ASH1L: variants seen among roughly 807,000 people sequenced by gnomAD.
ASH1L encodes the protein ASH1 like histone lysine methyltransferase.
Under a neutral mutation model 269.0 loss-of-function variants are expected in ASH1L, and 23 were observed. The observed-to-expected ratio is 0.09, with a 90% CI of 0.06 to 0.12. The LOEUF (loss-of-function observed/expected upper bound fraction) is 0.12, where lower values mean the gene tolerates loss of function less well. Ranked by LOEUF, ASH1L falls within the 10% of genes least tolerant of loss-of-function variation. ASH1L has a pLI of 1.00. For synonymous variants in ASH1L, 1,187 were observed against 1,253.5 expected (o/e 0.95, Z 1.12); for missense variants, 2,912 against 3,567.8 (o/e 0.82, Z 4.68).
Position 155,521,263 on chromosome 1 carries a change from T to C in ASH1L, c.257A>G (p.Lys86Arg). 6.2e-7 allele frequency: 1 copy of C among 1,614,204 alleles called. No individual in the cohort carries two copies. Among genetic ancestry groups the C allele is most frequent in the Non-Finnish European group, 8.5e-7 (1 of 1,180,028 alleles). The change falls in exon 2 of 28, where the codon AAA (lysine) becomes AGA (arginine). Residue 86 changes from lysine to arginine, a missense_variant. Physicochemically the swap from Lys to Arg is conservative, Grantham distance 26. Coordinates refer to ENST00000392403, the MANE Select transcript of ASH1L (RefSeq NM_018489.3). ...KETNFSEGNL[K>R]LKIGLQAKRT... is the part of the protein sequence containing the mutation. Reference sequence around the variant, plus strand: ...CTTAGCCTGGAGGCCAATTTTCAATTTTAAATTTCCCTCTGAAAAGTTTGT... The same window carrying C: ...CTTAGCCTGGAGGCCAATTTTCAATCTTAAATTTCCCTCTGAAAAGTTTGT...
Position 155,352,848 on chromosome 1 carries a change from C to A in ASH1L, c.7224G>T (p.Met2408Ile). Residue 2408 changes from methionine to isoleucine, a missense_variant, in exon 17 of 28, where the codon ATG becomes ATT. This residue lies in a region of ASH1L where 309 missense variants were observed against 435.1 expected (regional missense o/e 0.71). Transcript: ENST00000392403. Reference protein sequence around the residue: ...DDGNIKSDVFMTQFSALQTAR... With the variant: ...DDGNIKSDVFITQFSALQTAR... ...CTGTCTGCAGGGCAGAGAACTGGGTCATGAAGACATCTGGAAAAATAAAGT... is the reference window on the plus strand; with the variant it reads ...CTGTCTGCAGGGCAGAGAACTGGGTAATGAAGACATCTGGAAAAATAAAGT... The A allele has an allele frequency of 6.3e-7, 1 of 1,598,484 alleles. No homozygotes were observed. Among genetic ancestry groups the A allele is most frequent in the Non-Finnish European group, 8.5e-7 (1 of 1,175,094 alleles).
At chr1:155,541,005 G>A (rs764706035) in intron 1 of ASH1L, among the ~76,000 whole-genome samples, 1 of 152,088 alleles carries the variant, frequency 6.6e-6, no homozygotes, top group Non-Finnish European at 1.5e-5. Context: ...CTAGACTTGG[G>A]AGGCTGAGGC....
At chr1:155,482,925 A>G (rs1000586230) in intron 2 of ASH1L, among the ~76,000 whole-genome samples, 1 of 152,120 alleles carries the variant, frequency 6.6e-6, no homozygotes, top group Non-Finnish European at 1.5e-5. Flanking sequence ...TCCCTAACCT[A>G]CTTCTACTCT....
In ASH1L at chr1:155,496,117, TATAAC is replaced by T. The variant is rs760782515; in HGVS notation, c.421-13673_421-13669del. ...TTGTAGTAACAGCTTAAAATGCAAA[TATAAC>T]ATACAGCTGTACAAAATCTTTTCTT... On this transcript the variant is annotated intron_variant, in intron 2 of 27. Coordinates refer to ENST00000392403, the MANE Select transcript of ASH1L (RefSeq NM_018489.3). Among the ~76,000 whole-genome samples, 19 of 152,368 alleles carry T rather than the reference TATAAC, an allele frequency of 1.2e-4. No homozygotes were observed. The East Asian group carries it at 1.9e-3, about 15-fold the overall frequency.
chr1:155,375,355 C>CA (rs1201728731), intron 10 of ASH1L, among the ~76,000 whole-genome samples: 1 of 152,076 alleles, frequency 6.6e-6, no homozygotes, highest in African/African-American at 2.4e-5. Flanking sequence ...TATATAAAAC[C>CA]AAAACATGTT....
chr1:155,447,032 T>G (rs1219204774), intron 4 of ASH1L, among the ~76,000 whole-genome samples: 1 of 152,218 alleles, frequency 6.6e-6, no homozygotes, highest in East Asian at 1.9e-4. Context: ...ACAAATTCCT[T>G]GGGAATTTTC....
At chr1:155,425,201 T>C (rs1034895895) in intron 5 of ASH1L, among the ~76,000 whole-genome samples, 1 of 151,784 alleles carries the variant, frequency 6.6e-6, no homozygotes, top group Non-Finnish European at 1.5e-5. Context: ...CTCGAACTCC[T>C]GACCTCAAGT....
chr1:155,359,926 C>T (rs1317712373), intron 13 of ASH1L, among the ~76,000 whole-genome samples: 9 of 151,300 alleles, frequency 5.9e-5, no homozygotes, highest in Non-Finnish European at 1.2e-4. Context: ...CTTGCTTTGT[C>T]GCCCAGGCTG....
Position 155,438,932 on chromosome 1 carries a change from G to A in ASH1L, c.5223C>T (p.Ala1741=). 1 of 1,614,182 alleles carries A rather than the reference G, an allele frequency of 6.2e-7. No individual in the cohort carries two copies. The highest frequency in any genetic ancestry group is 8.5e-7 in the Non-Finnish European group (1 of 1,180,042). Residue 1741 remains alanine, a synonymous_variant, in exon 5 of 28, where the codon GCC becomes GCT. Transcript: ENST00000392403. ...EKSIDAVIAT[A]SAPPSSSPGR... ...CTGGACTGGAAGAAGGTGGTGCAGA[G>A]GCAGTTGCAATCACAGCATCAATAC...
intron 6 of ASH1L, chr1:155,396,047 C>T (rs1291268794): frequency 1.3e-5 from 2 of 152,264 alleles, no homozygotes; most frequent in South Asian, 2.1e-4. Context: ...AGCTTCAAAA[C>T]CTCAGTTTCT....
At chr1:155,483,414 A>C (rs2148736055) in intron 2 of ASH1L, among the ~76,000 whole-genome samples, 1 of 152,354 alleles carries the variant, frequency 6.6e-6, no homozygotes, top group South Asian at 2.1e-4. Flanking sequence ...TAGAAAAGCC[A>C]GGGAATAACC....
At chr1:155,374,247 C>T (rs912602038) in intron 10 of ASH1L, among the ~76,000 whole-genome samples, 1 of 151,974 alleles carries the variant, frequency 6.6e-6, no homozygotes, top group African/African-American at 2.4e-5. Context: ...ATCGCTTGAA[C>T]CTGGGAGGCA....
chr1:155,337,245 T>A lies in ASH1L; in HGVS notation c.*415A>T, dbSNP rs1270585953. ...AGAATAGATGGGGTAGGAATAGGGA[T>A]CCTGGCCCTATCCCTTTGGATTTTG... On this transcript the variant is annotated 3_prime_UTR_variant, in exon 28 of 28. Transcript: ENST00000392403. 6.3e-6 allele frequency: 1 copy of A among 158,312 alleles called. No homozygotes were observed. Among genetic ancestry groups the A allele is most frequent in the Non-Finnish European group, 1.4e-5 (1 of 72,014 alleles). 9.8% of individuals were successfully genotyped at this position (158,312 alleles called of 1,614,324 possible). A position where few individuals can be genotyped will look rare whatever the true frequency, so the allele number is the denominator to read the frequency against.
chr1:155,503,440 TAC>T (rs1329615031), intron 2 of ASH1L, among the ~76,000 whole-genome samples: 3 of 152,210 alleles, frequency 2.0e-5, no homozygotes, highest in Non-Finnish European at 4.4e-5. Context: ...AAGTAAAATA[TAC>T]ATAGTAAATT....
At chr1:155,488,078 G>C (rs2148751869) in intron 2 of ASH1L, among the ~76,000 whole-genome samples, 1 of 150,712 alleles carries the variant, frequency 6.6e-6, no homozygotes, top group Middle Eastern at 3.5e-3. Flanking sequence ...GTAAAGACGG[G>C]GTTTCACCAT....
intron 7 of ASH1L, among the ~76,000 whole-genome samples, chr1:155,381,125 G>A (rs146765008): frequency 1.2e-3 from 187 of 152,172 alleles, no homozygotes; most frequent in Non-Finnish European, 2.3e-3. Flanking sequence ...AACCTATAGC[G>A]CTACCAGTTG....
In ASH1L at chr1:155,541,328, TTTAAATATTATA is replaced by T. The variant is rs1361974672; in HGVS notation, c.-99-19722_-99-19711del. ...AAAATATTAAAAATTGATATTTTTC[TTTAAATATTATA>T]TAAATTTTTCAGTTTCTATAATTTA... On this transcript the variant is annotated intron_variant, in intron 1 of 27. Transcript: ENST00000392403. 7.2e-5 allele frequency among the ~76,000 whole-genome samples: 11 copies of T among 152,126 alleles called. No homozygotes were observed. In the South Asian group the frequency reaches 2.3e-3, roughly 31 times the overall value.
At chr1:155,441,187 T>C (rs1333443495) in intron 4 of ASH1L, among the ~76,000 whole-genome samples, 1 of 152,186 alleles carries the variant, frequency 6.6e-6, no homozygotes, top group African/African-American at 2.4e-5. Context: ...AGTTGTAGTC[T>C]AGTCCCTCTC....
intron 25 of ASH1L, among the ~76,000 whole-genome samples, chr1:155,340,759 C>T (rs1652717937): frequency 6.6e-6 from 1 of 150,988 alleles, no homozygotes; most frequent in South Asian, 2.1e-4. Flanking sequence ...CTTTTTTCCT[C>T]TTATGCTTCT....
Sources: gnomAD v4.1 joint callset for allele counts (sites outside exome capture counted in the v4.1 genomes callset) on GRCh38, gnomAD v4.1.1 for gene constraint, gnomAD v4.1.1 regional missense constraint, MANE v1.5 for transcripts, NCBI Gene and HGNC (gene_info 2026-07-23, HGNC 2026-07-21) for gene names.